EPB41: variants seen among roughly 807,000 people sequenced by gnomAD.
The protein encoded by EPB41 is erythrocyte membrane protein band 4.1, also known as protein 4.1.
Under a neutral mutation model 108.0 loss-of-function variants are expected in EPB41, and 65 were observed. The ratio of observed to expected loss-of-function variants is 0.60; its 90% CI spans 0.49 to 0.74. The LOEUF is 0.74. Among genes scored for constraint, EPB41 ranks in the 30% least tolerant of loss-of-function variants. The pLI, the probability that EPB41 is intolerant of heterozygous loss-of-function variation, is 0.00. For missense variants in EPB41, 875 were observed against 1,037.0 expected (o/e 0.84, Z 2.15); for synonymous variants, 336 against 358.9 (o/e 0.94, Z 0.72).
At chr1:29,114,558 G>T (rs1318248742) in intron 19 of EPB41, among the ~76,000 whole-genome samples, 1 of 148,370 alleles carries the variant, frequency 6.7e-6, no homozygotes, top group Non-Finnish European at 1.5e-5. Context: ...CACAAGAATC[G>T]CTTGAACCCA....
chr1:28,962,277 T>G (rs1462227498), intron 1 of EPB41, among the ~76,000 whole-genome samples: 1 of 152,100 alleles, frequency 6.6e-6, no homozygotes, highest in Non-Finnish European at 1.5e-5. Context: ...GCCAGGCTGA[T>G]CTTGAACTCT....
At chr1:29,053,020 T>C (rs1267757941) in intron 11 of EPB41, 84 bp from the exon 12 acceptor site, 2 of 1,420,362 alleles carry the variant, frequency 1.4e-6, no homozygotes, top group African/African-American at 2.8e-5. Flanking sequence ...TATCCTGGAT[T>C]CACAATTATT....
chr1:28,948,841 C>T (rs566833173), intron 1 of EPB41, among the ~76,000 whole-genome samples: 9 of 152,050 alleles, frequency 5.9e-5, no homozygotes, highest in South Asian at 2.1e-4. Context: ...CCCAGCTACT[C>T]GGGAGGCTAA....
intron 16 of EPB41, chr1:29,070,383 T>A (rs899816406): frequency 2.9e-5 from 36 of 1,231,968 alleles, no homozygotes; most frequent in Non-Finnish European, 3.6e-5. Flanking sequence ...CGTGCTCTGT[T>A]AGTACAGGAT....
At chr1:28,943,732 T>C (rs958659937) in intron 1 of EPB41, among the ~76,000 whole-genome samples, 6 of 152,054 alleles carry the variant, frequency 3.9e-5, no homozygotes, top group Non-Finnish European at 5.9e-5. Context: ...GGCAAGGATG[T>C]GGACAAAAGG....
At chr1:29,078,273 C>A (rs571733041) in intron 16 of EPB41, among the ~76,000 whole-genome samples, 1 of 151,996 alleles carries the variant, frequency 6.6e-6, no homozygotes, top group Non-Finnish European at 1.5e-5. Context: ...GTTTGAGGAC[C>A]CCTGGTACAG....
intron 1 of EPB41, among the ~76,000 whole-genome samples, chr1:28,946,813 T>C (rs962082038): frequency 1.3e-5 from 2 of 152,212 alleles, no homozygotes; most frequent in Non-Finnish European, 2.9e-5. Context: ...TTCACTGGTC[T>C]GGTTCATGCT....
chr1:28,975,864 C>G (rs2095592669), intron 1 of EPB41, among the ~76,000 whole-genome samples: 1 of 146,082 alleles, frequency 6.8e-6, no homozygotes, highest in South Asian at 2.2e-4. Context: ...TGGCGTGAAC[C>G]CGGGAGGCGG....
rs1302839056 is a variant in EPB41, at chr1:28,964,635, T to TA, written c.-7-22793dup. On this transcript the variant is annotated intron_variant, in intron 1 of 20. Coordinates refer to ENST00000343067, the MANE Select transcript of EPB41 (RefSeq NM_001376013.1). The stretch of plus-strand genomic sequence containing the variant: ...TAAATAAATAAATAAATAAAATAAA[T>TA]AAATAAATAAAATTTTCTAATGGCT... 1.3e-4 allele frequency among the ~76,000 whole-genome samples: 20 copies of TA among 151,934 alleles called. 1 individual carries two copies. In the Middle Eastern group the frequency reaches 0.017, roughly 129 times the overall value.
intron 1 of EPB41, among the ~76,000 whole-genome samples, chr1:28,933,718 T>C (rs1267606527): frequency 1.3e-5 from 2 of 152,138 alleles, no homozygotes; most frequent in African/African-American, 4.8e-5. Context: ...CTGATTTTTT[T>C]CCACGATTAG....
At chr1:28,922,644 TC>T (rs1213181249) in intron 1 of EPB41, among the ~76,000 whole-genome samples, 10 of 134,794 alleles carry the variant, frequency 7.4e-5, no homozygotes, top group East Asian at 2.4e-4. Context: ...TTTTTTTTTT[TC>T]GAGATTGAGT....
intron 1 of EPB41, among the ~76,000 whole-genome samples, chr1:28,986,939 C>G (rs1461084374): frequency 1.3e-5 from 2 of 152,162 alleles, no homozygotes; most frequent in Non-Finnish European, 2.9e-5. Context: ...AGAGAAGTCT[C>G]TGCATCCTAA....
At chr1:28,909,670 T>C (rs2092114203), upstream of EPB41, among the ~76,000 whole-genome samples, 1 of 151,834 alleles carries the variant, frequency 6.6e-6, no homozygotes, top group Non-Finnish European at 1.5e-5. Context: ...TGTGGTGGCA[T>C]ATACCTGTAG....
intron 16 of EPB41, among the ~76,000 whole-genome samples, chr1:29,087,627 C>T (rs1659612000): frequency 6.6e-6 from 1 of 152,130 alleles, no homozygotes. Flanking sequence ...TCCCAAAGTG[C>T]TGGGATTGTA....
At chr1:28,910,190 T>G (rs986162352), upstream of EPB41, among the ~76,000 whole-genome samples, 1 of 152,194 alleles carries the variant, frequency 6.6e-6, no homozygotes, top group African/African-American at 2.4e-5. Context: ...GTGACTTACA[T>G]TTTTTCTTGT....
intron 18 of EPB41, among the ~76,000 whole-genome samples, chr1:29,110,983 A>G (rs914018891): frequency 6.6e-6 from 1 of 152,126 alleles, no homozygotes; most frequent in Non-Finnish European, 1.5e-5. Flanking sequence ...CCTGGCCAAC[A>G]TGGCGAAACC....
chr1:29,082,007 C>T lies in EPB41; in HGVS notation c.2185-15800C>T, dbSNP rs559376292. On this transcript the variant is annotated intron_variant, in intron 16 of 20. Coordinates refer to ENST00000343067, the MANE Select transcript of EPB41 (RefSeq NM_001376013.1). ...ACAGAAAGCCATTTTCACTATTATA[C>T]GATTTCTCAAGAAGATAAAACATAG... Among the ~76,000 whole-genome samples the T allele has an allele frequency of 1.5e-3, 234 of 152,202 alleles. 1 individual carries two copies. Among genetic ancestry groups the T allele is most frequent in the Non-Finnish European group, 2.5e-3 (170 of 68,008 alleles).
intron 1 of EPB41, among the ~76,000 whole-genome samples, chr1:28,971,340 T>TATGG (rs1571676754): frequency 1.3e-5 from 2 of 151,936 alleles, no homozygotes; most frequent in East Asian, 3.9e-4. Flanking sequence ...CCTGCCACCA[T>TATGG]GCCTGGCTAA....
In EPB41 at chr1:29,051,088, G is replaced by GTTTTTTTTTTTT. The variant is rs71586885; in HGVS notation, c.1637-1998_1637-1987dup. 1.4e-4 allele frequency among the ~76,000 whole-genome samples: 7 copies of GTTTTTTTTTTTT among 51,586 alleles called. 1 individual carries two copies. The highest frequency in any genetic ancestry group is 1.6e-4 in the Non-Finnish European group (5 of 30,954). 33.8% of individuals were successfully genotyped at this position (51,586 alleles called of 152,430 possible). A position where few individuals can be genotyped will look rare whatever the true frequency, so the allele number is the denominator to read the frequency against. ...AGCATTTCTTTCTTTTTCTTTTTCT[G>GTTTTTTTTTTTT]TTTTTTTTTTTTTTTTTTTTTTTTT... On this transcript the variant is annotated intron_variant, in intron 11 of 20. Coordinates refer to ENST00000343067, the MANE Select transcript of EPB41 (RefSeq NM_001376013.1).
Sources: allele counts gnomAD v4.1 joint callset (sites outside exome capture counted in the v4.1 genomes callset), GRCh38; gene constraint gnomAD v4.1.1; transcripts MANE v1.5; gene names NCBI Gene and HGNC (gene_info 2026-07-23, HGNC 2026-07-21).